Variants in EPS8L1 observed in about 807,000 individuals in gnomAD.
EPS8L1 encodes the protein epidermal growth factor receptor kinase substrate 8-like protein 1.
A neutral mutation model predicts 91.7 loss-of-function variants in EPS8L1; 101 were observed. The observed-to-expected ratio is 1.10, with a 90% confidence interval of 0.94 to 1.30. The LOEUF (loss-of-function observed/expected upper bound fraction) is 1.30, where lower values mean the gene tolerates loss of function less well. Ranked by LOEUF, EPS8L1 falls within the 50% of genes most tolerant of loss-of-function variation. EPS8L1 has a pLI of 0.00. For missense variants in EPS8L1, 1,114 were observed against 1,017.0 expected (o/e 1.10, Z -1.30); for synonymous variants, 506 against 445.3 (o/e 1.14, Z -1.72).
Position 55,083,981 on chromosome 19 carries a change from G to T in EPS8L1, c.1385+337G>T. On this transcript the variant is annotated intron_variant, in intron 14 of 19. Coordinates refer to ENST00000201647, the MANE Select transcript of EPS8L1 (RefSeq NM_133180.3). This position sits in a 1 kb window ranked among gnomAD's most constrained non-coding sequence, Gnocchi z 4.7. ...GGAAGAAGCCAGTTTGTTTTCCCAGGGCCTGGGAAGCACCATGCCTGGGCT... is the reference window on the plus strand; with the variant it reads ...GGAAGAAGCCAGTTTGTTTTCCCAGTGCCTGGGAAGCACCATGCCTGGGCT... The T allele has an allele frequency of 1.8e-6, 1 of 565,750 alleles. No individual in the cohort carries two copies. Among genetic ancestry groups the T allele is most frequent in the Admixed American group, 3.1e-5 (1 of 32,416 alleles). 35.0% of individuals were successfully genotyped at this position (565,750 alleles called of 1,614,324 possible).
rs1280306746 is a variant in EPS8L1, at chr19:55,081,919, G to C, written c.901+20G>C. 1 of 1,601,182 alleles carries C rather than the reference G, an allele frequency of 6.2e-7. No homozygotes were observed. Among genetic ancestry groups the C allele is most frequent in the African/African-American group, 1.3e-5 (1 of 74,630 alleles). ...CTGGGGGTAAGGGGCACCCTGGCGTGGGATCTGAACCCCCTCCCGATCTCT... is the reference window on the plus strand; with the variant it reads ...CTGGGGGTAAGGGGCACCCTGGCGTCGGATCTGAACCCCCTCCCGATCTCT... On this transcript the variant is annotated intron_variant, in intron 9 of 19. Coordinates refer to ENST00000201647, the MANE Select transcript of EPS8L1 (RefSeq NM_133180.3). This position sits in a 1 kb window ranked among gnomAD's most constrained non-coding sequence, Gnocchi z 4.9.
In EPS8L1 at chr19:55,080,807, G is replaced by T; in HGVS notation, c.465G>T (p.Leu155=). 1 of 1,612,056 alleles carries T rather than the reference G, an allele frequency of 6.2e-7. No homozygotes were observed. Residue 155 remains leucine (L), a synonymous_variant, in exon 7 of 20, where the codon CTG becomes CTT. Coordinates refer to ENST00000201647, the MANE Select transcript of EPS8L1 (RefSeq NM_133180.3). ...TCCGAGAGGACATCCAGGGGGCTCTGCACAATTACCGCTCGGGCCGCGGGG... is the reference window on the plus strand; with the variant it reads ...TCCGAGAGGACATCCAGGGGGCTCTTCACAATTACCGCTCGGGCCGCGGGG... ...ELIREDIQGA[L]HNYRSGRGER... is the part of the protein sequence containing the mutation.
At chr19:55,080,918 AC>A in intron 7 of EPS8L1, 64 bp downstream of exon 7, 1 of 1,421,898 alleles carries the variant, frequency 7.0e-7, no homozygotes, top group Non-Finnish European at 9.6e-7. Flanking sequence ...GCCTCAGTCT[AC>A]AACACCAGCC....
intron 18 of EPS8L1, 130 bp from the exon 19 acceptor site, chr19:55,087,173 G>C (rs956050079): frequency 1.0e-5 from 14 of 1,359,996 alleles, no homozygotes. Context: ...GGTTCAGGAG[G>C]TGTCGGGCCT....
rs1485664047 is a variant in EPS8L1, at chr19:55,078,904, T to C, written c.59-95T>C. On this transcript the variant is annotated intron_variant, in intron 3 of 19. Coordinates refer to ENST00000201647, the MANE Select transcript of EPS8L1 (RefSeq NM_133180.3). The stretch of plus-strand genomic sequence containing the variant: ...GGGCTGGGGGGCTGGACTCCTAGGT[T>C]TGAGGGAGGAGGGGCTGGGGGCCTG... 124 of 1,098,940 alleles carry C rather than the reference T, an allele frequency of 1.1e-4. 1 individual carries two copies. Among genetic ancestry groups the C allele is most frequent in the African/African-American group, 8.1e-4 (37 of 45,536 alleles). The allele number at this position is 1,098,940 out of a possible 1,614,324, so 68.1% of individuals were successfully genotyped here.
chr19:55,086,293 G>T, intron 16 of EPS8L1, 99 bp from the exon 17 acceptor site: 1 of 1,611,722 alleles, frequency 6.2e-7, no homozygotes, highest in Admixed American at 1.7e-5. Flanking sequence ...GCTGGAGCAG[G>T]TGGTGACTGG....
chr19:55,086,815 G>T lies in EPS8L1; in HGVS notation c.1879G>T (p.Glu627Ter). The change falls in exon 18 of 20, where the codon GAA becomes TAA. Residue 627 changes from glutamate (E) to a stop codon, truncating the protein, a stop_gained. Coordinates refer to ENST00000201647, the MANE Select transcript of EPS8L1 (RefSeq NM_133180.3). LOFTEE classifies it high-confidence loss of function. ...SRAVPGPRAP[E>*]PQLSPGSDAS... The stretch of plus-strand genomic sequence containing the variant: ...CGCAGTCCCAGGGCCCCGCGCCCCG[G>T]AACCGCAGCTCAGCCCGGGCTCGGA... 6.3e-7 allele frequency: 1 copy of T among 1,584,122 alleles called. No individual in the cohort carries two copies. The highest frequency in any genetic ancestry group is 8.6e-7 in the Non-Finnish European group (1 of 1,166,266).
At position 55,080,110 on chromosome 19, in the gene EPS8L1, C is replaced by T; in HGVS notation, c.280-19C>T. 1 of 1,475,624 alleles carries T rather than the reference C, an allele frequency of 6.8e-7. No individual in the cohort carries two copies. Among genetic ancestry groups the T allele is most frequent in the Non-Finnish European group, 9.0e-7 (1 of 1,108,470 alleles). 91.4% of individuals were successfully genotyped at this position (1,475,624 alleles called of 1,614,324 possible). On this transcript the variant is annotated intron_variant, in intron 5 of 19. Transcript: ENST00000201647. ...CATCATTTCGGGGCCTCAGTTTACC[C>T]CGCCATCCCACCCGGCAGGAGGAGC... is the stretch of plus-strand genomic sequence containing the variant.
Position 55,086,123 on chromosome 19 carries a change from G to A in EPS8L1, c.1581G>A (p.Val527=). 1 of 1,607,528 alleles carries A rather than the reference G, an allele frequency of 6.2e-7. No homozygotes were observed. Among genetic ancestry groups the A allele is most frequent in the Non-Finnish European group, 8.5e-7 (1 of 1,176,234 alleles). Residue 527 remains valine, a synonymous_variant, in exon 16 of 20, where the codon GTG becomes GTA. Transcript: ENST00000201647. ...VRDPAGQEGY[V]PYNILTPYPG... ...ACCCAGCGGGGCAGGAGGGATATGTGCCCTACAACATCCTGACACCCTACC... is the reference window on the plus strand; with the variant it reads ...ACCCAGCGGGGCAGGAGGGATATGTACCCTACAACATCCTGACACCCTACC...
At chr19:55,084,821 C>G (rs1257205882) in intron 14 of EPS8L1, among the ~76,000 whole-genome samples, 1 of 152,180 alleles carries the variant, frequency 6.6e-6, no homozygotes, top group East Asian at 1.9e-4. Flanking sequence ...GTTCCCGGAA[C>G]AGTGAGAAGT....
Position 55,081,136 on chromosome 19 carries a change from C to T in EPS8L1, c.513-95C>T. The T allele has an allele frequency of 7.2e-7, 1 of 1,391,514 alleles. No individual in the cohort carries two copies. Among genetic ancestry groups the T allele is most frequent in the Non-Finnish European group, 9.4e-7 (1 of 1,061,024 alleles). The allele number at this position is 1,391,514 out of a possible 1,614,324, so 86.2% of individuals were successfully genotyped here. A position where few individuals can be genotyped will look rare whatever the true frequency, so the allele number is the denominator to read the frequency against. Reference sequence around the variant, plus strand: ...TTGAACTTGTTCACTCCCTTTGAGCCTTTTGAGCCTGTGTGTCTCGTTCTG... The same window carrying T: ...TTGAACTTGTTCACTCCCTTTGAGCTTTTTGAGCCTGTGTGTCTCGTTCTG... On this transcript the variant is annotated intron_variant, in intron 7 of 19. Transcript: ENST00000201647. This position sits in a 1 kb window ranked among gnomAD's most constrained non-coding sequence, Gnocchi z 4.9.
Position 55,078,920 on chromosome 19 carries a change from TG to T in EPS8L1, c.59-74del, listed in dbSNP as rs375461906. 8.3e-4 allele frequency: 1,179 copies of T among 1,417,886 alleles called. 18 individuals carry two copies. The African/African-American group carries it at 0.015, about 18-fold the overall frequency. The allele number at this position is 1,417,886 out of a possible 1,614,324, so 87.8% of individuals were successfully genotyped here. ...CTCCTAGGTTTGAGGGAGGAGGGGC[TG>T]GGGGCCTGGACTCCTGGGTCTGATG... On this transcript the variant is annotated intron_variant, in intron 3 of 19. Coordinates refer to ENST00000201647, the MANE Select transcript of EPS8L1 (RefSeq NM_133180.3).
chr19:55,080,698 A>G, intron 6 of EPS8L1, 74 bp from the exon 7 acceptor site: 27 of 1,578,216 alleles, frequency 1.7e-5, no homozygotes, highest in Middle Eastern at 2.0e-4. Context: ...GAGCTGAAAA[A>G]TCGGCCAGGG....
intron 4 of EPS8L1, 95 bp from the exon 5 acceptor site, chr19:55,079,595 G>T (rs1418570629): frequency 1.4e-6 from 2 of 1,437,402 alleles, no homozygotes; most frequent in South Asian, 1.4e-5. Context: ...AGGAGGTGTG[G>T]TTAGTCTCAG....
At chr19:55,076,741 C>T (rs966955970) in intron 2 of EPS8L1, among the ~76,000 whole-genome samples, 6 of 152,198 alleles carry the variant, frequency 3.9e-5, no homozygotes, top group Admixed American at 3.9e-4. Context: ...GAGCCTCAGC[C>T]CCTCCTCTGT....
chr19:55,076,638 G>C (rs1671168), intron 2 of EPS8L1, among the ~76,000 whole-genome samples, 177 bp downstream of exon 2: 80,401 of 152,106 alleles, frequency 0.53, 21,921 homozygotes, highest in African/African-American at 0.65. Flanking sequence ...CCTGGGGTTA[G>C]GGGCCCCCAC....
At chr19:55,082,403 G>T in intron 11 of EPS8L1, 51 bp from the exon 12 acceptor site, 1 of 1,612,346 alleles carries the variant, frequency 6.2e-7, no homozygotes, top group Non-Finnish European at 8.5e-7. Context: ...AATCGGGTTC[G>T]ACTTGTAGAA....
At position 55,083,563 on chromosome 19, in the gene EPS8L1, G is replaced by T; in HGVS notation, c.1356+44G>T. 1.3e-6 allele frequency: 2 copies of T among 1,596,612 alleles called. No individual in the cohort carries two copies. The highest frequency in any genetic ancestry group is 1.7e-6 in the Non-Finnish European group (2 of 1,171,786). ...CAGGGCCGAGGCTGGGAAGTCCGGG[G>T]GCGCGGCCGGTCCGCCTGGCCCCGC... On this transcript the variant is annotated intron_variant, in intron 13 of 19. Transcript: ENST00000201647. The surrounding 1 kb of genome is among the most constrained non-coding windows in gnomAD (Gnocchi z 4.7).
chr19:55,082,291 A>G lies in EPS8L1; in HGVS notation c.1007A>G (p.Asn336Ser), dbSNP rs1319169925. Residue 336 changes from asparagine (N) to serine (S), a missense_variant, in exon 11 of 20, where the codon AAC becomes AGC. Transcript: ENST00000201647. ...AFSLLARLRG[N>S]IADPSSPELL... The stretch of plus-strand genomic sequence containing the variant: ...ACGCCCCAGGCCCGGCTGCGCGGCA[A>G]CATCGCCGACCCCTCCTCTCCGGAG... 7 of 1,612,152 alleles carry G rather than the reference A, an allele frequency of 4.3e-6. No individual in the cohort carries two copies. In the East Asian group the frequency reaches 1.6e-4, roughly 36 times the overall value.
Sources: gnomAD v4.1 joint callset for allele counts (sites outside exome capture counted in the v4.1 genomes callset) on GRCh38, gnomAD v4.1.1 for gene constraint, Gnocchi (gnomAD v3.1) non-coding constraint, MANE v1.5 for transcripts, NCBI Gene and HGNC (gene_info 2026-07-23, HGNC 2026-07-21) for gene names.